Variants in MROH7 observed in about 807,000 individuals in gnomAD.
MROH7 encodes the protein maestro heat like repeat family member 7, also known as maestro heat-like repeat-containing protein family member 7.
Under a neutral mutation model 129.2 loss-of-function variants are expected in MROH7, and 113 were observed. The ratio of observed to expected loss-of-function variants is 0.87; its 90% CI spans 0.75 to 1.02. MROH7 has a LOEUF of 1.02. MROH7 is among the 50% of genes least tolerant of loss of function. MROH7 has a pLI of 0.00. For synonymous variants in MROH7, 655 were observed against 667.9 expected (o/e 0.98, Z 0.30); for missense variants, 1,601 against 1,671.3 (o/e 0.96, Z 0.73).
At chr1:54,687,726 GTATC>G (rs1645171125) in intron 15 of MROH7, among the ~76,000 whole-genome samples, 1 of 151,812 alleles carries the variant, frequency 6.6e-6, no homozygotes. Flanking sequence ...CAGTGTATGA[GTATC>G]TATTTCCCTA....
At chr1:54,665,893 G>A (rs533849883) in intron 4 of MROH7, 5 of 152,508 alleles carry the variant, frequency 3.3e-5, no homozygotes, top group Non-Finnish European at 5.9e-5. Flanking sequence ...GGGCAGTGCA[G>A]GGCGGAGATG....
chr1:54,708,803 T>C (rs1362204028), intron 22 of MROH7, among the ~76,000 whole-genome samples: 1 of 152,174 alleles, frequency 6.6e-6, no homozygotes, highest in Admixed American at 6.5e-5. Flanking sequence ...ACTGCCCCTA[T>C]CCTGGTGCCA....
intron 17 of MROH7, chr1:54,698,039 C>A (rs1645350337): frequency 8.1e-6 from 2 of 246,496 alleles, no homozygotes; most frequent in Non-Finnish European, 1.6e-5. Context: ...GGCCAGTCAG[C>A]CCCACCATTA....
At chr1:54,648,966 G>A (rs1437475715) in intron 1 of MROH7, among the ~76,000 whole-genome samples, 1 of 152,122 alleles carries the variant, frequency 6.6e-6, no homozygotes. Flanking sequence ...TTGCAATGGA[G>A]GAGAATAGAA....
In MROH7 at chr1:54,679,313, C is replaced by A; in HGVS notation, c.2100C>A (p.Ala700=). Reference sequence around the variant, plus strand: ...AGCAGATAAAGGACCTGCTGCTGGCCGCCCTGGAAGGGCTGAAAGGCAGCT... The same window carrying A: ...AGCAGATAAAGGACCTGCTGCTGGCAGCCCTGGAAGGGCTGAAAGGCAGCT... The part of the protein sequence containing the change: ...GPQQIKDLLL[A]ALEGLKGSSE... Residue 700 remains alanine, a synonymous_variant, in exon 12 of 24, where the codon GCC becomes GCA. Transcript: ENST00000421030. 1 of 1,614,166 alleles carries A rather than the reference C, an allele frequency of 6.2e-7. No homozygotes were observed. The highest frequency in any genetic ancestry group is 8.5e-7 in the Non-Finnish European group (1 of 1,180,030).
chr1:54,692,349 G>C, intron 15 of MROH7, 75 bp from the exon 16 acceptor site: 2 of 1,572,698 alleles, frequency 1.3e-6, no homozygotes, highest in Non-Finnish European at 1.7e-6. Context: ...GATGGCAGGA[G>C]AGGCCGGGGT....
chr1:54,673,181 T>C lies in MROH7; in HGVS notation c.1690T>C (p.Leu564=). ...CACTCCTGCTGGGCTGAAGAGCATC[T>C]TGGAGGTGCGGAGATGGGAGGGGCA... ...DPTPAGLKSI[L]EALGPWMNSG... is the part of the protein sequence containing the mutation. Residue 564 remains leucine (L), a synonymous_variant, in exon 8 of 24, where the codon TTG becomes CTG. Transcript: ENST00000421030. 6.2e-7 allele frequency: 1 copy of C among 1,612,560 alleles called. No homozygotes were observed. Among genetic ancestry groups the C allele is most frequent in the Non-Finnish European group, 8.5e-7 (1 of 1,179,044 alleles).
chr1:54,661,835 A>G (rs2101085985), intron 3 of MROH7, among the ~76,000 whole-genome samples: 1 of 152,146 alleles, frequency 6.6e-6, no homozygotes, highest in East Asian at 2.0e-4. Context: ...ACCTCAGGTG[A>G]CCCACCTGCC....
chr1:54,699,093 C>CTGCCTTTCT (rs1406420741), intron 17 of MROH7: 19 of 108,068 alleles, frequency 1.8e-4, no homozygotes, highest in African/African-American at 6.0e-4. Context: ...CTTGCCTGGC[C>CTGCCTTTCT]TTTTCTTTCT....
In MROH7 at chr1:54,654,043, A is replaced by AC; in HGVS notation, c.1117_1118insC (p.Asn373ThrfsTer7). The AC allele has an allele frequency of 6.2e-7, 1 of 1,614,190 alleles. No individual in the cohort carries two copies. The highest frequency in any genetic ancestry group is 1.3e-5 in the African/African-American group (1 of 75,044). ...CATCCACACTGTGCCCCTGGAGGAGAATCTGGAGAGTTGGAGTGAGATGGC... is the reference window on the plus strand; with the variant it reads ...CATCCACACTGTGCCCCTGGAGGAGACATCTGGAGAGTTGGAGTGAGATGGC... On this transcript the variant is annotated frameshift_variant, in exon 3 of 24. Transcript: ENST00000421030. LOFTEE classifies it high-confidence loss of function.
chr1:54,680,254 C>T (rs1013396431), intron 13 of MROH7, among the ~76,000 whole-genome samples: 2 of 152,198 alleles, frequency 1.3e-5, no homozygotes, highest in African/African-American at 2.4e-5. Context: ...CTAATTCTCA[C>T]AACAATCCCA....
chr1:54,651,847 G>A (rs10888859), intron 1 of MROH7, 102 bp from the exon 2 acceptor site: 15,530 of 150,508 alleles, frequency 0.1, 924 homozygotes, highest in Admixed American at 0.16. Context: ...TGTGTAGTGC[G>A]GAGCTTGTTA....
At chr1:54,669,674 C>T (rs1048419715) in intron 5 of MROH7, among the ~76,000 whole-genome samples, 26 of 152,152 alleles carry the variant, frequency 1.7e-4, no homozygotes, top group Admixed American at 1.2e-3. Context: ...CAGGTATGTG[C>T]CACCACACCC....
In MROH7 at chr1:54,670,820, G is replaced by T; in HGVS notation, c.1490G>T (p.Gly497Val). ...TCCAGCCACACCCAGCCCACCCTGG[G>T]CATGCGGGAGAGGTCGGAGCTGGTG... ...TQLSHTQPTL[G>V]MRERSELVNV... is the part of the protein sequence containing the mutation. Residue 497 changes from glycine to valine, a missense_variant, in exon 7 of 24, where the codon GGC (glycine) becomes GTC (valine). Coordinates refer to ENST00000421030, the MANE Select transcript of MROH7 (RefSeq NM_001039464.4). 1.2e-6 allele frequency: 2 copies of T among 1,614,056 alleles called. No individual in the cohort carries two copies. The highest frequency in any genetic ancestry group is 2.2e-5 in the East Asian group (1 of 44,876).
At position 54,673,162 on chromosome 1, in the gene MROH7, T is replaced by C. The variant is rs1406363251; in HGVS notation, c.1671T>C (p.Pro557=). 6.2e-7 allele frequency: 1 copy of C among 1,613,608 alleles called. No individual in the cohort carries two copies. The highest frequency in any genetic ancestry group is 1.1e-5 in the South Asian group (1 of 90,994). ...CCCTCTTTATCGAGGACCCCACTCC[T>C]GCTGGGCTGAAGAGCATCTTGGAGG... is the stretch of plus-strand genomic sequence containing the variant. ...LKALFIEDPT[P]AGLKSILEAL... is the part of the protein sequence containing the mutation. Residue 557 remains proline (P), a synonymous_variant, in exon 8 of 24, where the codon CCT becomes CCC. Coordinates refer to ENST00000421030, the MANE Select transcript of MROH7 (RefSeq NM_001039464.4).
In MROH7 at chr1:54,692,578, C is replaced by T. The variant is rs531665199; in HGVS notation, c.2849+17C>T. ...GCTGGCAAGGTGAGTCCCGGGACCA[C>T]CTTGGGGTTGGGGTGGGAGGGAGAA... On this transcript the variant is annotated intron_variant, in intron 16 of 23. Coordinates refer to ENST00000421030, the MANE Select transcript of MROH7 (RefSeq NM_001039464.4). 7.7e-5 allele frequency: 124 copies of T among 1,610,300 alleles called. No individual in the cohort carries two copies. In the East Asian group the frequency reaches 2.5e-3, roughly 33 times the overall value.
At chr1:54,689,384 T>C (rs1645199075) in intron 15 of MROH7, among the ~76,000 whole-genome samples, 1 of 152,196 alleles carries the variant, frequency 6.6e-6, no homozygotes, top group South Asian at 2.1e-4. Flanking sequence ...ATATCTGGCC[T>C]CTAGAACTGC....
rs56830138 is a variant in MROH7, at chr1:54,709,861, G to A, written c.3731-85G>A. ...GCCAAGCAGAGGGTGCCTAAGCCAA[G>A]GCATGGAGATGGGAAGGATTAGGTA... On this transcript the variant is annotated intron_variant, in intron 23 of 23. Transcript: ENST00000421030. 1,073 of 1,519,282 alleles carry A rather than the reference G, an allele frequency of 7.1e-4. 7 individuals carry two copies. The African/African-American group carries it at 0.013, about 19-fold the overall frequency. 94.1% of individuals were successfully genotyped at this position (1,519,282 alleles called of 1,614,324 possible).
chr1:54,692,431 G>T lies in MROH7; in HGVS notation c.2719G>T (p.Val907Leu). Reference protein sequence around the residue: ...PSPFVPVRWVVKVVKTLLLRM... With the variant: ...PSPFVPVRWVLKVVKTLLLRM... ...ATTGCCTTGTCTTGGCAGCTGGGTG[G>T]TGAAAGTGGTGAAAACCCTGCTACT... Residue 907 changes from valine (V) to leucine (L), a missense_variant, in exon 16 of 24, where the codon GTG (valine) becomes TTG (leucine). Transcript: ENST00000421030. The T allele has an allele frequency of 6.2e-7, 1 of 1,614,112 alleles. No individual in the cohort carries two copies. Among genetic ancestry groups the T allele is most frequent in the Non-Finnish European group, 8.5e-7 (1 of 1,179,994 alleles).
Sources: gnomAD v4.1 joint callset for allele counts (sites outside exome capture counted in the v4.1 genomes callset) on GRCh38, gnomAD v4.1.1 for gene constraint, MANE v1.5 for transcripts, NCBI Gene and HGNC (gene_info 2026-07-23, HGNC 2026-07-21) for gene names.